The following GARIN5A variants were observed in gnomAD, a reference collection of about 807,000 sequenced individuals.
GARIN5A encodes the protein Golgi-associated RAB2 interactor protein 5A.
the GARIN5A span, among the ~76,000 whole-genome samples, chr19:50,471,727 TGCAC>T: frequency 7.2e-6 from 1 of 138,904 alleles, no homozygotes; most frequent in Non-Finnish European, 1.5e-5. Context: ...TACGCATACA[TGCAC>T]GTGTGTGTAT....
chr19:50,472,964 C>T, the GARIN5A span, among the ~76,000 whole-genome samples: 2 of 152,184 alleles, frequency 1.3e-5, no homozygotes, highest in East Asian at 1.9e-4. Flanking sequence ...GGGAGGATCA[C>T]TTGAGGCCCG....
the GARIN5A span, among the ~76,000 whole-genome samples, chr19:50,470,557 TGTG>T: frequency 3.6e-3 from 536 of 147,054 alleles, no homozygotes; most frequent in Non-Finnish European, 5.3e-3. Context: ...TCTGAAAGAG[TGTG>T]GTGGCTGTGC....
chr19:50,466,901 A>G, the GARIN5A span: 1 of 152,748 alleles, frequency 6.5e-6, no homozygotes, highest in Non-Finnish European at 1.5e-5. This position sits in a 1 kb window ranked among gnomAD's most constrained non-coding sequence, Gnocchi z 4.9. Context: ...TGGAAGACTC[A>G]GAGTCCCCAG....
At chr19:50,475,514 A>G in the GARIN5A span, 1 of 1,497,064 alleles carries the variant, frequency 6.7e-7, no homozygotes, top group Non-Finnish European at 9.0e-7. Flanking sequence ...CTGAGGAGGG[A>G]TCAGAGGTTA....
At chr19:50,475,181 C>T in the GARIN5A span, 11 of 1,271,588 alleles carry the variant, frequency 8.7e-6, no homozygotes, top group African/African-American at 2.9e-5. Flanking sequence ...CTTGTTCTCC[C>T]GGGTAGATGG....
the GARIN5A span, chr19:50,467,951 T>C: frequency 4.9e-6 from 4 of 824,692 alleles, no homozygotes; most frequent in Admixed American, 6.6e-5. Flanking sequence ...TCCACTTTCA[T>C]TGCCTCTTGA....
chr19:50,475,983 G>T, the GARIN5A span: 2 of 1,604,698 alleles, frequency 1.2e-6, no homozygotes, highest in Non-Finnish European at 1.7e-6. Context: ...GTCGATCCTG[G>T]GAGGCTGTGC....
At chr19:50,473,851 G>T in the GARIN5A span, among the ~76,000 whole-genome samples, 1 of 152,146 alleles carries the variant, frequency 6.6e-6, no homozygotes, top group Non-Finnish European at 1.5e-5. Flanking sequence ...GCTGGGCGTG[G>T]TGGCAGGCTC....
chr19:50,471,928 A>G, the GARIN5A span, among the ~76,000 whole-genome samples: 2 of 151,104 alleles, frequency 1.3e-5, no homozygotes, highest in South Asian at 2.1e-4. Flanking sequence ...GTGTATATAC[A>G]TGTATGTGTG....
chr19:50,475,022 T>G, the GARIN5A span, among the ~76,000 whole-genome samples: 1 of 151,868 alleles, frequency 6.6e-6, no homozygotes, highest in Non-Finnish European at 1.5e-5. Flanking sequence ...AGGTCAGAGG[T>G]GAGATCGTAT....
At chr19:50,472,174 A>G in the GARIN5A span, among the ~76,000 whole-genome samples, 8 of 144,372 alleles carry the variant, frequency 5.5e-5, no homozygotes, top group South Asian at 2.1e-4. Flanking sequence ...ATACGTGTGT[A>G]TATGTATGTA....
At chr19:50,469,974 G>GT in the GARIN5A span, among the ~76,000 whole-genome samples, 1 of 152,298 alleles carries the variant, frequency 6.6e-6, no homozygotes, top group East Asian at 1.9e-4. Flanking sequence ...TATTTACCCA[G>GT]TTTTTCCCCC....
chr19:50,467,653 G>A, the GARIN5A span: 1 of 1,576,568 alleles, frequency 6.3e-7, no homozygotes, highest in Non-Finnish European at 8.6e-7. Flanking sequence ...CACAGCAGAA[G>A]CAGAGAGGAA....
chr19:50,475,345 G>A, the GARIN5A span: 22 of 1,599,722 alleles, frequency 1.4e-5, no homozygotes, highest in South Asian at 1.2e-4. Flanking sequence ...GCAGGTGTCC[G>A]TTCTCCTTGG....
At chr19:50,467,888 C>A in the GARIN5A span, 11 of 1,549,076 alleles carry the variant, frequency 7.1e-6, no homozygotes, top group South Asian at 2.3e-5. Context: ...CCAGCACCGT[C>A]GGGGTCAGGG....
At chr19:50,476,653 C>A in the GARIN5A span, 1 of 1,526,878 alleles carries the variant, frequency 6.5e-7, no homozygotes, top group South Asian at 1.2e-5. Context: ...GACTGGTGCG[C>A]GAGGGGTGAG....
chr19:50,471,984 ATATG>A, the GARIN5A span, among the ~76,000 whole-genome samples: 12 of 149,522 alleles, frequency 8.0e-5, no homozygotes, highest in African/African-American at 2.8e-4. Flanking sequence ...GTATGTGTGT[ATATG>A]TATATATACG....
chr19:50,473,357 CTCTT>C, the GARIN5A span, among the ~76,000 whole-genome samples: 72 of 152,086 alleles, frequency 4.7e-4, no homozygotes, highest in African/African-American at 1.3e-3. Flanking sequence ...TTTCTTCCCT[CTCTT>C]TCTTTCTTTT....
chr19:50,471,866 A>G, the GARIN5A span, among the ~76,000 whole-genome samples: 2 of 151,742 alleles, frequency 1.3e-5, no homozygotes, highest in South Asian at 4.1e-4. Context: ...ATACATGTGT[A>G]TATGTATGCA....
Sources: gnomAD v4.1 joint callset for allele counts (sites outside exome capture counted in the v4.1 genomes callset) on GRCh38, gnomAD v4.1.1 for gene constraint, Gnocchi (gnomAD v3.1) non-coding constraint, MANE v1.5 for transcripts, NCBI Gene and HGNC (gene_info 2026-07-23, HGNC 2026-07-21) for gene names.